Variants in KDM4A observed in about 807,000 individuals in gnomAD.
KDM4A encodes the protein lysine demethylase 4A.
A neutral mutation model predicts 127.1 loss-of-function variants in KDM4A; 23 were observed. The observed-to-expected ratio is 0.18, with a 90% CI of 0.13 to 0.26. KDM4A has a LOEUF of 0.26. Ranked by LOEUF, KDM4A falls within the 10% of genes least tolerant of loss-of-function variation. KDM4A has a pLI of 1.00. For synonymous variants in KDM4A, 443 were observed against 466.5 expected, an observed-to-expected ratio of 0.95 and a Z score of 0.65; for missense variants, 890 against 1,329.1, an observed-to-expected ratio of 0.67 and a Z score of 5.14.
chr1:43,667,654 A>T (rs1001306129), intron 8 of KDM4A, 118 bp from the exon 9 acceptor site: 36 of 1,355,256 alleles, frequency 2.7e-5, no homozygotes, highest in Non-Finnish European at 3.4e-5. Flanking sequence ...GAACCAAAAC[A>T]ATCTGGTTAT....
Position 43,670,064 on chromosome 1 carries a change from G to A in KDM4A, c.1363+765G>A, listed in dbSNP as rs556061136. ...GCTGTGTGACCAGAAGGTGACGCTG[G>A]AGAAATAGGAGATGATGTAGGGCTG... is the stretch of plus-strand genomic sequence containing the variant. On this transcript the variant is annotated intron_variant, in intron 10 of 21. Transcript: ENST00000372396. Among the ~76,000 whole-genome samples, 33 of 152,336 alleles carry A rather than the reference G, an allele frequency of 2.2e-4. 1 individual carries two copies. The highest frequency in any genetic ancestry group is 7.7e-4 in the African/African-American group (32 of 41,582).
rs1660487408 is a variant in KDM4A at position 43,665,749 on chromosome 1, C to T, written c.673+4C>T. The stretch of plus-strand genomic sequence containing the variant: ...CGGTTGGAACGCCTCGCCAAAGGTA[C>T]TGTGTCTCTTCTGTTTGCTGGATTG... On this transcript the variant is annotated splice_donor_region_variant and intron_variant, in intron 6 of 21. Coordinates refer to ENST00000372396, the MANE Select transcript of KDM4A (RefSeq NM_014663.3). 1.2e-6 allele frequency: 2 copies of T among 1,613,894 alleles called. No homozygotes were observed. Among genetic ancestry groups the T allele is most frequent in the African/African-American group, 1.3e-5 (1 of 74,910 alleles).
At position 43,690,999 on chromosome 1, in the gene KDM4A, G is replaced by A. The variant is rs1661096212; in HGVS notation, c.2192G>A (p.Gly731Asp). 2 of 1,614,070 alleles carry A rather than the reference G, an allele frequency of 1.2e-6. No homozygotes were observed. Among genetic ancestry groups the A allele is most frequent in the Non-Finnish European group, 1.7e-6 (2 of 1,180,044 alleles). The part of the protein sequence containing the change: ...NLSTPYLEED[G>D]TSILVSCKKC... ...TCTACTCCTTATCTTGAGGAGGATG[G>A]CACCAGCATACTCGTTTCCTGCAAG... Residue 731 changes from glycine to aspartate, a missense_variant, in exon 14 of 22, where the codon GGC becomes GAC. Physicochemically the swap from Gly to Asp is moderately conservative, Grantham distance 94. Around this residue, in one of 7 missense-constraint regions of KDM4A, gnomAD observed 389 missense variants for 485.9 expected, o/e 0.80. Coordinates refer to ENST00000372396, the MANE Select transcript of KDM4A (RefSeq NM_014663.3).
chr1:43,666,169 A>G, intron 6 of KDM4A: 1 of 409,556 alleles, frequency 2.4e-6, no homozygotes, highest in Non-Finnish European at 4.3e-6. Flanking sequence ...GACTGGAGAA[A>G]AGGTCCTAAA....
At chr1:43,684,552 T>C (rs1660927869) in intron 12 of KDM4A, among the ~76,000 whole-genome samples, 1 of 151,134 alleles carries the variant, frequency 6.6e-6, no homozygotes, top group Admixed American at 6.6e-5. Flanking sequence ...CAGCATGCTA[T>C]GGAGAAGAGG....
chr1:43,653,016 T>C, intron 1 of KDM4A, 121 bp from the exon 2 acceptor site: 1 of 504,782 alleles, frequency 2.0e-6, no homozygotes, highest in Non-Finnish European at 3.2e-6. Flanking sequence ...AGATTCCAGG[T>C]GTGAAGTCTT....
At chr1:43,672,860 A>G (rs1660655935) in intron 11 of KDM4A, among the ~76,000 whole-genome samples, 1 of 152,178 alleles carries the variant, frequency 6.6e-6, no homozygotes, top group African/African-American at 2.4e-5. Flanking sequence ...CAGGGTTAGA[A>G]TGGCTGCTGT....
At chr1:43,683,380 G>A (rs929934369) in intron 11 of KDM4A, among the ~76,000 whole-genome samples, 5 of 152,182 alleles carry the variant, frequency 3.3e-5, no homozygotes, top group Admixed American at 2.6e-4. Flanking sequence ...GAGCTTAAGG[G>A]ACCGGGCAAG....
rs1660875971 is a variant in KDM4A at position 43,682,253 on chromosome 1, T to C, written c.1735-1431T>C. Among the ~76,000 whole-genome samples, 3 of 152,202 alleles carry C rather than the reference T, an allele frequency of 2.0e-5. No individual in the cohort carries two copies. In the South Asian group the frequency reaches 6.2e-4, roughly 32 times the overall value. ...GCCACTGTGCCTGGCCAGAACCCTT[T>C]CTTTAAGTGAAATCTTAATTAAAAC... On this transcript the variant is annotated intron_variant, in intron 11 of 21. Transcript: ENST00000372396.
chr1:43,703,449 A>G, intron 19 of KDM4A, 168 bp from the exon 20 acceptor site: 1 of 720,902 alleles, frequency 1.4e-6, no homozygotes, highest in South Asian at 2.0e-5. Flanking sequence ...ATAGGGGCAG[A>G]CTTTGACTTA....
In KDM4A at chr1:43,668,004, G is replaced by C. The variant is rs751088355; in HGVS notation, c.1148G>C (p.Gly383Ala). ...DMEGVEDGEE[G>A]DLKTSLAKHR... ...GAAGGGGTGGAGGATGGAGAGGAAG[G>C]AGACCTGAAGACAAGGTAACCCAGC... The change falls in exon 9 of 22, where the codon GGA becomes GCA. Residue 383 changes from glycine (G) to alanine (A), a missense_variant. Coordinates refer to ENST00000372396, the MANE Select transcript of KDM4A (RefSeq NM_014663.3). The C allele has an allele frequency of 1.2e-6, 2 of 1,614,044 alleles. No homozygotes were observed. The highest frequency in any genetic ancestry group is 1.7e-6 in the Non-Finnish European group (2 of 1,179,970).
intron 11 of KDM4A, among the ~76,000 whole-genome samples, chr1:43,676,238 C>T (rs1030593417): frequency 3.3e-5 from 5 of 152,068 alleles, no homozygotes; most frequent in East Asian, 1.9e-4. Context: ...TGCAATGAGC[C>T]GTGACTGTAC....
chr1:43,686,151 G>GTTTTTTTTTTTT (rs35512755), intron 12 of KDM4A, among the ~76,000 whole-genome samples: 1 of 97,906 alleles, frequency 1.0e-5, no homozygotes, highest in Non-Finnish European at 1.9e-5. Flanking sequence ...TTTGTTTCTT[G>GTTTTTTTTTTTT]TTTTTTTTTT....
intron 3 of KDM4A, among the ~76,000 whole-genome samples, chr1:43,657,234 C>T (rs971385531): frequency 2.0e-5 from 3 of 151,608 alleles, no homozygotes; most frequent in East Asian, 3.9e-4. Flanking sequence ...GACAGAATCT[C>T]GCTCTGTCGC....
At chr1:43,659,226 G>A (rs915666808) in intron 3 of KDM4A, among the ~76,000 whole-genome samples, 9 of 152,148 alleles carry the variant, frequency 5.9e-5, no homozygotes, top group Admixed American at 1.3e-4. Context: ...CCAGGAGTTC[G>A]AGGCTACAGT....
In KDM4A at chr1:43,693,916, G is replaced by A. The variant is rs1378168111; in HGVS notation, c.2376-78G>A. On this transcript the variant is annotated intron_variant, in intron 16 of 21. Transcript: ENST00000372396. This position sits in a 1 kb window ranked among gnomAD's most constrained non-coding sequence, Gnocchi z 4.2. The stretch of plus-strand genomic sequence containing the variant: ...TGGTCACCCAGGTGAGGGAGGAAGC[G>A]CTGTCAGCAGGCCCAAAAGAGAAGG... The A allele has an allele frequency of 1.5e-5, 17 of 1,152,980 alleles. No homozygotes were observed. The highest frequency in any genetic ancestry group is 3.8e-5 in the South Asian group (3 of 78,010). 71.4% of individuals were successfully genotyped at this position (1,152,980 alleles called of 1,614,324 possible). A position where few individuals can be genotyped will look rare whatever the true frequency, so the allele number is the denominator to read the frequency against.
rs761868902 is a variant in KDM4A, at chr1:43,655,571, G to GT, written c.139-17dup. 1 of 1,581,758 alleles carries GT rather than the reference G, an allele frequency of 6.3e-7. No homozygotes were observed. The highest frequency in any genetic ancestry group is 2.3e-5 in the East Asian group (1 of 44,240). ...TGCCAGGTTTCTCATCTGTCTTTTT[G>GT]TTTCTTGTGTTCCCTTCAGGTTGTT... On this transcript the variant is annotated intron_variant, in intron 2 of 21. Coordinates refer to ENST00000372396, the MANE Select transcript of KDM4A (RefSeq NM_014663.3).
At chr1:43,690,146 G>T (rs918627537) in intron 13 of KDM4A, among the ~76,000 whole-genome samples, 6 of 152,230 alleles carry the variant, frequency 3.9e-5, no homozygotes, top group Admixed American at 3.9e-4. Flanking sequence ...AATCACACAG[G>T]TGGGGCTCCA....
At chr1:43,703,980 C>A in intron 20 of KDM4A, 40 bp from the exon 21 acceptor site, 1 of 1,559,928 alleles carries the variant, frequency 6.4e-7, no homozygotes, top group South Asian at 1.1e-5. Flanking sequence ...GGGAAAGAGT[C>A]AGGGATATCC....
Sources: allele counts gnomAD v4.1 joint callset (sites outside exome capture counted in the v4.1 genomes callset), GRCh38; gene constraint gnomAD v4.1.1; regional missense constraint gnomAD v4.1.1; non-coding constraint Gnocchi (gnomAD v3.1); transcripts MANE v1.5; gene names NCBI Gene and HGNC (gene_info 2026-07-23, HGNC 2026-07-21).